The following SOS2 variants were observed in gnomAD, a reference collection of about 807,000 sequenced individuals.
The protein encoded by SOS2 is son of sevenless homolog 2.
SOS2 carries 65 observed loss-of-function variants against 148.2 expected under a neutral mutation model. That is an observed-to-expected ratio of 0.44 (90% CI 0.36 to 0.54). SOS2 has a LOEUF of 0.54. SOS2 is among the 20% of genes least tolerant of loss of function. The pLI, the probability that SOS2 is intolerant of heterozygous loss-of-function variation, is 0.00. For missense variants in SOS2, 1,341 were observed against 1,590.2 expected (o/e 0.84, Z 2.67); for synonymous variants, 539 against 537.1 (o/e 1.00, Z -0.05).
intron 5 of SOS2, among the ~76,000 whole-genome samples, chr14:50,187,372 A>T (rs1353119799): frequency 1.0e-4 from 14 of 134,674 alleles, no homozygotes; most frequent in South Asian, 7.1e-4. Flanking sequence ...TTTTGAGAAG[A>T]AGTCTCGCTC....
intron 1 of SOS2, among the ~76,000 whole-genome samples, chr14:50,209,274 C>CATGTGTGTGTGTGTGTGT (rs1555323144): frequency 8.5e-6 from 1 of 118,276 alleles, no homozygotes; most frequent in Non-Finnish European, 1.9e-5. Context: ...CCTTAAATGT[C>CATGTGTGTGTGTGTGTGT]GTGTGTGTGT....
At chr14:50,125,822 G>A (rs1381488884) in intron 21 of SOS2, among the ~76,000 whole-genome samples, 4 of 152,166 alleles carry the variant, frequency 2.6e-5, no homozygotes, top group Non-Finnish European at 5.9e-5. Context: ...TAGGAGACTG[G>A]CAGTTTTATT....
At position 50,159,996 on chromosome 14, in the gene SOS2, T is replaced by C. The variant is rs1475536445; in HGVS notation, c.1287A>G (p.Gly429=). ...KMNEIQKNID[G]WEGKDIGQCC... ...ACTGTCCAATATCTTTGCCTTCCCA[T>C]CCATCGATATTTTTCTGAATTTCAT... Residue 429 remains glycine (G), a synonymous_variant, in exon 10 of 23, where the codon GGA becomes GGG. Coordinates refer to ENST00000216373, the MANE Select transcript of SOS2 (RefSeq NM_006939.4). 1.2e-6 allele frequency: 2 copies of C among 1,613,954 alleles called. No homozygotes were observed. The highest frequency in any genetic ancestry group is 8.5e-7 in the Non-Finnish European group (1 of 1,179,834).
At position 50,130,642 on chromosome 14, in the gene SOS2, T is replaced by TGG; in HGVS notation, c.3195_3196insCC (p.Ile1066ProfsTer2). 1.9e-6 allele frequency: 3 copies of TGG among 1,614,162 alleles called. No homozygotes were observed. Among genetic ancestry groups the TGG allele is most frequent in the Non-Finnish European group, 2.5e-6 (3 of 1,180,010 alleles). ...GTTTCAGCAATCCGACTAAAGCTTA[T>TGG]TTTACATGGTTCTCTTTCTAATGGT... On this transcript the variant is annotated frameshift_variant, in exon 20 of 23. Coordinates refer to ENST00000216373, the MANE Select transcript of SOS2 (RefSeq NM_006939.4). LOFTEE classifies it high-confidence loss of function.
chr14:50,178,715 CACAT>C (rs759315621), intron 7 of SOS2, among the ~76,000 whole-genome samples: 4,026 of 19,396 alleles, frequency 0.21, 128 homozygotes, highest in Non-Finnish European at 0.29. Flanking sequence ...TATATATACA[CACAT>C]ATACACACAC....
At position 50,128,256 on chromosome 14, in the gene SOS2, G is replaced by C. The variant is rs563650186; in HGVS notation, c.3379+1705C>G. Among the ~76,000 whole-genome samples, 4 of 152,136 alleles carry C rather than the reference G, an allele frequency of 2.6e-5. No individual in the cohort carries two copies. The South Asian group carries it at 8.3e-4, about 32-fold the overall frequency. ...AATATCAACCAGTCCAAACTGGAAC[G>C]GGGGACAAAAAGGCACCAGGAAGGA... On this transcript the variant is annotated intron_variant, in intron 21 of 22. Coordinates refer to ENST00000216373, the MANE Select transcript of SOS2 (RefSeq NM_006939.4).
chr14:50,134,558 CATT>C (rs1209073807), intron 18 of SOS2, among the ~76,000 whole-genome samples: 3 of 152,124 alleles, frequency 2.0e-5, no homozygotes, highest in Non-Finnish European at 2.9e-5. Context: ...TACTCCTACT[CATT>C]GTAACAAATG....
intron 22 of SOS2, among the ~76,000 whole-genome samples, chr14:50,119,698 G>A (rs1050082419): frequency 1.3e-5 from 2 of 151,258 alleles, no homozygotes; most frequent in Non-Finnish European, 1.5e-5. Flanking sequence ...ACCATGCCCG[G>A]CTAATTTTTG....
intron 1 of SOS2, among the ~76,000 whole-genome samples, chr14:50,219,225 A>G (rs1361773010): frequency 3.3e-5 from 5 of 152,214 alleles, no homozygotes; most frequent in African/African-American, 1.2e-4. Flanking sequence ...AGACTTGTAC[A>G]CAAATATACA....
chr14:50,218,970 G>A (rs868102049), intron 1 of SOS2, among the ~76,000 whole-genome samples: 7 of 151,836 alleles, frequency 4.6e-5, no homozygotes, highest in South Asian at 2.1e-4. Context: ...AAAATTAGCC[G>A]GGCGTGGTGG....
Position 50,118,407 on chromosome 14 carries a change from C to A in SOS2, c.3936G>T (p.Arg1312=). ...LPKLPPKTYK[R]ELSHPPLYRL... ...TGTACAATGGGGGGTGCGAAAGCTC[C>A]CGTTTGTAAGTCTTTGGTGGCAGTT... Residue 1312 remains arginine, a synonymous_variant, in exon 23 of 23, where the codon CGG becomes CGT. Transcript: ENST00000216373. 6.2e-7 allele frequency: 1 copy of A among 1,614,008 alleles called. No individual in the cohort carries two copies. Among genetic ancestry groups the A allele is most frequent in the Non-Finnish European group, 8.5e-7 (1 of 1,180,000 alleles).
intron 16 of SOS2, among the ~76,000 whole-genome samples, chr14:50,144,811 T>C (rs1884413289): frequency 6.6e-6 from 1 of 152,226 alleles, no homozygotes; most frequent in Non-Finnish European, 1.5e-5. Context: ...AAGACATTAC[T>C]TGTATTTTTA....
intron 7 of SOS2, among the ~76,000 whole-genome samples, chr14:50,178,040 T>A (rs1385176707): frequency 6.6e-6 from 1 of 152,128 alleles, no homozygotes; most frequent in Non-Finnish European, 1.5e-5. Context: ...AGAAGTTGGA[T>A]AATAGCTATA....
At chr14:50,228,533 G>A (rs757132656) in intron 1 of SOS2, among the ~76,000 whole-genome samples, 1 of 152,042 alleles carries the variant, frequency 6.6e-6, no homozygotes, top group Non-Finnish European at 1.5e-5. Context: ...TCATCAATGG[G>A]CTGAATCAAA....
chr14:50,147,524 A>G (rs1884528243), intron 14 of SOS2, among the ~76,000 whole-genome samples: 1 of 149,686 alleles, frequency 6.7e-6, no homozygotes, highest in Admixed American at 6.6e-5. Context: ...AAAAAAAAAA[A>G]AAAAAAAAAA....
rs1884944730 is a variant in SOS2 at position 50,160,074 on chromosome 14, G to T, written c.1209C>A (p.Cys403Ter). Residue 403 changes from cysteine to a stop codon, truncating the protein, a stop_gained, in exon 10 of 23, where the codon TGC becomes TGA. Coordinates refer to ENST00000216373, the MANE Select transcript of SOS2 (RefSeq NM_006939.4). LOFTEE classifies it high-confidence loss of function. The part of the protein sequence containing the change: ...SPRRRPGDPV[C>*]PFYSHQLRSK... ...TTCTTAATTGGTGACTATAAAAAGG[G>T]CAAACAGGATCTCTAGAAAAAACAA... The T allele has an allele frequency of 6.2e-7, 1 of 1,609,892 alleles. No individual in the cohort carries two copies. The highest frequency in any genetic ancestry group is 1.3e-5 in the African/African-American group (1 of 74,612).
chr14:50,230,452 A>T (rs1239407337), intron 1 of SOS2, among the ~76,000 whole-genome samples: 1 of 152,226 alleles, frequency 6.6e-6, no homozygotes, highest in East Asian at 1.9e-4. Context: ...TCACAGAGGA[A>T]GACCGCCACC....
In SOS2 at chr14:50,199,801, G is replaced by T; in HGVS notation, c.400C>A (p.Leu134Ile). The T allele has an allele frequency of 6.3e-7, 1 of 1,594,614 alleles. No individual in the cohort carries two copies. The highest frequency in any genetic ancestry group is 8.6e-7 in the Non-Finnish European group (1 of 1,163,608). The part of the protein sequence containing the change: ...YHVSLYIVAV[L>I]EYISADILKL... ...AAAATATCAGCTGAGATATACTCTA[G>T]TACAGCCACAATATATAGGGATACA... Residue 134 changes from leucine to isoleucine, a missense_variant, in exon 4 of 23, where the codon CTA (leucine) becomes ATA (isoleucine). Around this residue, in one of 4 missense-constraint regions of SOS2, gnomAD observed 574 missense variants for 711.1 expected, o/e 0.81. Transcript: ENST00000216373.
intron 5 of SOS2, among the ~76,000 whole-genome samples, chr14:50,185,093 T>C (rs767276401): frequency 6.6e-6 from 1 of 152,064 alleles, no homozygotes; most frequent in Non-Finnish European, 1.5e-5. Context: ...TTTCCCTGAT[T>C]TCTGTGAGCT....
Sources: allele counts gnomAD v4.1 joint callset (sites outside exome capture counted in the v4.1 genomes callset), GRCh38; gene constraint gnomAD v4.1.1; regional missense constraint gnomAD v4.1.1; transcripts MANE v1.5; gene names NCBI Gene and HGNC (gene_info 2026-07-23, HGNC 2026-07-21).